TAF4: variants seen among roughly 807,000 people sequenced by gnomAD.
TAF4 encodes transcription initiation factor TFIID subunit 4.
A neutral mutation model predicts 90.3 loss-of-function variants in TAF4; 9 were observed. The ratio of observed to expected loss-of-function variants is 0.10; its 90% CI spans 0.06 to 0.17. The LOEUF (loss-of-function observed/expected upper bound fraction) is 0.17. Among genes scored for constraint, TAF4 ranks in the 10% least tolerant of loss-of-function variants. The pLI, the probability that TAF4 is intolerant of heterozygous loss-of-function variation, is 1.00. For missense variants in TAF4, 1,351 were observed against 1,370.7 expected (o/e 0.99, Z 0.23); for synonymous variants, 818 against 638.9 (o/e 1.28, Z -4.23).
chr20:61,998,942 C>A (rs755950350), intron 12 of TAF4, 41 bp downstream of exon 12: 1 of 1,605,250 alleles, frequency 6.2e-7, no homozygotes, highest in Admixed American at 1.7e-5. Context: ...GTGGCTGAGA[C>A]GGAGGTGCCC....
intron 14 of TAF4, among the ~76,000 whole-genome samples, chr20:61,983,533 G>A (rs771590933): frequency 8.5e-5 from 13 of 152,082 alleles, no homozygotes; most frequent in Non-Finnish European, 1.0e-4. Flanking sequence ...GCGGTGCTGT[G>A]TGCCTGTAGT....
At position 62,006,607 on chromosome 20, in the gene TAF4, G is replaced by A. The variant is rs373706810; in HGVS notation, c.2126C>T (p.Thr709Met). The part of the protein sequence containing the change: ...SSSVQRTAGK[T>M]AATVTSALQP... ...GAGGGCACTGGTCACGGTGGCCGCC[G>A]TCTTCCCGGCCGTGCGCTGGACCGA... Residue 709 changes from threonine to methionine, a missense_variant, in exon 7 of 15, where the codon ACG (threonine) becomes ATG (methionine). Around this residue, in one of 9 missense-constraint regions of TAF4, gnomAD observed 202 missense variants for 229.7 expected, o/e 0.88. Transcript: ENST00000252996. The surrounding 1 kb of genome is among the most constrained non-coding windows in gnomAD (Gnocchi z 7.0). 76 of 1,602,046 alleles carry A rather than the reference G, an allele frequency of 4.7e-5. No homozygotes were observed. Among genetic ancestry groups the A allele is most frequent in the Middle Eastern group, 1.9e-4 (1 of 5,398 alleles).
chr20:62,003,074 C>G, intron 9 of TAF4, 86 bp downstream of exon 9: 1 of 1,178,478 alleles, frequency 8.5e-7, no homozygotes, highest in Non-Finnish European at 1.2e-6. Flanking sequence ...TGGGAAAGAC[C>G]CGTGGGCGGG....
intron 1 of TAF4, among the ~76,000 whole-genome samples, chr20:62,048,255 A>T (rs1374640830): frequency 1.3e-5 from 2 of 152,162 alleles, no homozygotes; most frequent in African/African-American, 4.8e-5. Flanking sequence ...TTGTACCACA[A>T]ATGCTTTTCT....
rs1413018049 is a variant in TAF4 at position 62,065,364 on chromosome 20, C to G, written c.447G>C (p.Gly149=). ...CGGGGCCGGCGGGGGCGGGCTCGGG[C>G]CCCGCGGCGACGGCGGCGGCGGCGG... ...PVPAAAAVAA[G]PEPAPAGPAK... The change falls in exon 1 of 15, where the codon GGG becomes GGC. Residue 149 remains glycine, a synonymous_variant. Transcript: ENST00000252996. 1 of 965,596 alleles carries G rather than the reference C, an allele frequency of 1.0e-6. No individual in the cohort carries two copies. The highest frequency in any genetic ancestry group is 1.2e-6 in the Non-Finnish European group (1 of 820,134). The allele number at this position is 965,596 out of a possible 1,614,324, so 59.8% of individuals were successfully genotyped here.
chr20:62,045,857 A>C (rs2055990341), intron 1 of TAF4, among the ~76,000 whole-genome samples: 1 of 152,226 alleles, frequency 6.6e-6, no homozygotes, highest in East Asian at 1.9e-4. Context: ...ACAGGTCCCA[A>C]ACACACAGCT....
intron 1 of TAF4, among the ~76,000 whole-genome samples, chr20:62,036,057 C>A (rs2055930997): frequency 6.7e-6 from 1 of 149,284 alleles, no homozygotes; most frequent in Non-Finnish European, 1.5e-5. Context: ...GAGTTTTGCT[C>A]TTGTTGCCCT....
chr20:62,036,048 A>C (rs900533849), intron 1 of TAF4, among the ~76,000 whole-genome samples: 7 of 149,002 alleles, frequency 4.7e-5, no homozygotes, highest in African/African-American at 1.7e-4. Flanking sequence ...AAAAAAAAAG[A>C]GTTTTGCTCT....
At chr20:62,055,751 G>A (rs2056059839) in intron 1 of TAF4, among the ~76,000 whole-genome samples, 1 of 152,132 alleles carries the variant, frequency 6.6e-6, no homozygotes, top group Admixed American at 6.5e-5. Flanking sequence ...TGACTACCCT[G>A]CCCAGCAGTC....
chr20:62,040,086 A>T (rs973666600), intron 1 of TAF4, among the ~76,000 whole-genome samples: 4 of 152,238 alleles, frequency 2.6e-5, no homozygotes, highest in African/African-American at 4.8e-5. Flanking sequence ...AGAAATTAAT[A>T]TTCATTTGCC....
chr20:62,011,143 G>A (rs991159991), intron 3 of TAF4, among the ~76,000 whole-genome samples: 3 of 152,174 alleles, frequency 2.0e-5, no homozygotes, highest in African/African-American at 7.2e-5. Context: ...GAGGCAGCAG[G>A]GTGGAGGGAC....
chr20:62,007,423 G>A (rs917029215), intron 6 of TAF4, 124 bp downstream of exon 6: 70 of 866,858 alleles, frequency 8.1e-5, no homozygotes, highest in Middle Eastern at 3.0e-4. Context: ...CCCCACCCCC[G>A]TAGGCAGCAC....
At chr20:62,045,511 G>C (rs181259780) in intron 1 of TAF4, among the ~76,000 whole-genome samples, 1 of 152,250 alleles carries the variant, frequency 6.6e-6, no homozygotes, top group African/African-American at 2.4e-5. Context: ...CCACACACCC[G>C]TGGTCTCGGT....
At chr20:62,051,209 C>A (rs2056025373) in intron 1 of TAF4, among the ~76,000 whole-genome samples, 1 of 152,310 alleles carries the variant, frequency 6.6e-6, no homozygotes, top group African/African-American at 2.4e-5. Flanking sequence ...GTGGGACCGG[C>A]AGCCTTGGGA....
chr20:62,041,916 T>C (rs1164879818), intron 1 of TAF4, among the ~76,000 whole-genome samples: 1 of 137,870 alleles, frequency 7.3e-6, no homozygotes, highest in South Asian at 2.3e-4. Flanking sequence ...CCCTATCTCC[T>C]AAAAAAAAAA....
At chr20:62,047,410 G>A (rs1053415017) in intron 1 of TAF4, among the ~76,000 whole-genome samples, 3 of 152,164 alleles carry the variant, frequency 2.0e-5, no homozygotes, top group African/African-American at 7.2e-5. Flanking sequence ...GGCACTCAGA[G>A]CATGGACTTC....
intron 5 of TAF4, 123 bp from the exon 6 acceptor site, chr20:62,007,759 A>T: frequency 1.1e-6 from 1 of 909,180 alleles, no homozygotes; most frequent in Non-Finnish European, 1.6e-6. Flanking sequence ...TGGACAGAGG[A>T]GATGGGAAAG....
chr20:62,011,941 T>G (rs2055780948), intron 3 of TAF4, among the ~76,000 whole-genome samples: 1 of 152,200 alleles, frequency 6.6e-6, no homozygotes, highest in African/African-American at 2.4e-5. Flanking sequence ...CAGAGAAAGC[T>G]GCTTCCCTCA....
rs1483646712 is a variant in TAF4 at position 62,007,623 on chromosome 20, T to C, written c.1898A>G (p.Glu633Gly). 8.7e-6 allele frequency: 14 copies of C among 1,603,178 alleles called. No individual in the cohort carries two copies. Among genetic ancestry groups the C allele is most frequent in the Non-Finnish European group, 1.2e-5 (14 of 1,175,060 alleles). Residue 633 changes from glutamate (E) to glycine (G), a missense_variant, in exon 6 of 15, where the codon GAA becomes GGA. By Grantham distance (98) the Glu-to-Gly change is moderately conservative. This residue lies in a region of TAF4 where 44 missense variants were observed against 97.4 expected (regional missense o/e 0.45). Coordinates refer to ENST00000252996, the MANE Select transcript of TAF4 (RefSeq NM_003185.4). ...LVQNLLDGKI[E>G]AEDFTSRLYR... ...TAACCTGCTTGTGAAATCTTCTGCT[T>C]CTATTTTTCCATCCTTAAAAATAAA...
Sources: allele counts gnomAD v4.1 joint callset (sites outside exome capture counted in the v4.1 genomes callset), GRCh38; gene constraint gnomAD v4.1.1; regional missense constraint gnomAD v4.1.1; non-coding constraint Gnocchi (gnomAD v3.1); transcripts MANE v1.5; gene names NCBI Gene and HGNC (gene_info 2026-07-23, HGNC 2026-07-21).